The following GPC5 variants were observed in gnomAD, a reference collection of about 807,000 sequenced individuals.
GPC5 encodes the protein glypican-5.
A neutral mutation model predicts 53.9 loss-of-function variants in GPC5; 47 were observed. The ratio of observed to expected loss-of-function variants is 0.87; its 90% CI spans 0.69 to 1.11. The LOEUF (loss-of-function observed/expected upper bound fraction) is 1.11. GPC5 is among the 50% of genes most tolerant of loss of function. The probability of loss-of-function intolerance (pLI) is 0.00; values close to 1 mark genes in which losing one functional copy is unlikely to be tolerated. For missense variants in GPC5, 748 were observed against 713.1 expected (o/e 1.05, Z -0.56); for synonymous variants, 286 against 263.3 (o/e 1.09, Z -0.84).
intron 7 of GPC5, among the ~76,000 whole-genome samples, chr13:92,508,841 CA>C (rs1022726891): frequency 6.6e-6 from 1 of 152,074 alleles, no homozygotes; most frequent in Non-Finnish European, 1.5e-5. Context: ...TGTGCTAAAA[CA>C]GGAAAAGTAA....
chr13:92,710,168 T>G (rs2139267887), intron 7 of GPC5, among the ~76,000 whole-genome samples: 1 of 152,300 alleles, frequency 6.6e-6, no homozygotes, highest in Non-Finnish European at 1.5e-5. Flanking sequence ...CCTATCATAG[T>G]TATATAGGGC....
At chr13:91,764,701 C>A (rs969074082) in intron 5 of GPC5, among the ~76,000 whole-genome samples, 1 of 152,140 alleles carries the variant, frequency 6.6e-6, no homozygotes, top group Non-Finnish European at 1.5e-5. Context: ...TGTATGTGAA[C>A]CTTTTCAGGT....
intron 7 of GPC5, among the ~76,000 whole-genome samples, chr13:92,165,871 G>A (rs962545860): frequency 6.6e-6 from 1 of 151,942 alleles, no homozygotes; most frequent in Non-Finnish European, 1.5e-5. Flanking sequence ...GCCAATTTTT[G>A]GCACAGATGC....
At chr13:91,763,425 A>G (rs2037456674) in intron 5 of GPC5, among the ~76,000 whole-genome samples, 1 of 152,172 alleles carries the variant, frequency 6.6e-6, no homozygotes, top group African/African-American at 2.4e-5. Flanking sequence ...AAGATGAGGC[A>G]CTGGAATGAG....
rs74438534 is a variant in GPC5 at position 91,860,343 on chromosome 13, C to T, written c.1281-47594C>T. On this transcript the variant is annotated intron_variant, in intron 5 of 7. Coordinates refer to ENST00000377067, the MANE Select transcript of GPC5 (RefSeq NM_004466.6). ...AATGTTTAACTTTCTTTTCTTGGCTCATTTCGCTCACATAATATCCTCCAT... is the reference window on the plus strand; with the variant it reads ...AATGTTTAACTTTCTTTTCTTGGCTTATTTCGCTCACATAATATCCTCCAT... 6.1e-4 allele frequency among the ~76,000 whole-genome samples: 93 copies of T among 152,020 alleles called. No individual in the cohort carries two copies. The East Asian group carries it at 8.9e-3, about 15-fold the overall frequency.
chr13:91,466,377 G>C (rs960831619), intron 2 of GPC5, among the ~76,000 whole-genome samples: 1 of 152,142 alleles, frequency 6.6e-6, no homozygotes, highest in Non-Finnish European at 1.5e-5. Context: ...TCCTAGTTAG[G>C]GGGCAGGGGG....
intron 7 of GPC5, among the ~76,000 whole-genome samples, chr13:92,854,956 G>A (rs190752962): frequency 2.6e-5 from 4 of 151,618 alleles, no homozygotes; most frequent in Non-Finnish European, 2.9e-5. Context: ...TGAATTCTTC[G>A]CTGAGACCAA....
At chr13:92,264,029 A>C (rs1335146612) in intron 7 of GPC5, among the ~76,000 whole-genome samples, 1 of 152,176 alleles carries the variant, frequency 6.6e-6, no homozygotes, top group Non-Finnish European at 1.5e-5. Context: ...CACATTGTAA[A>C]CATACAGAAA....
intron 7 of GPC5, among the ~76,000 whole-genome samples, chr13:92,579,022 C>T (rs548108773): frequency 6.6e-6 from 1 of 152,248 alleles, no homozygotes; most frequent in African/African-American, 2.4e-5. Context: ...GCAATAGTAG[C>T]TTCACAGGAT....
chr13:92,628,285 T>A (rs973618030), intron 7 of GPC5, among the ~76,000 whole-genome samples: 1 of 127,832 alleles, frequency 7.8e-6, no homozygotes, highest in Non-Finnish European at 1.6e-5. Flanking sequence ...TTTTTTTTTT[T>A]TTTTTTTTGA....
At chr13:92,104,554 TGA>T (rs1439098383) in intron 6 of GPC5, among the ~76,000 whole-genome samples, 1 of 152,172 alleles carries the variant, frequency 6.6e-6, no homozygotes, top group Non-Finnish European at 1.5e-5. Flanking sequence ...AGGAGAATCC[TGA>T]GAGATCATAG....
At chr13:92,841,970 G>C (rs1878445176) in intron 7 of GPC5, among the ~76,000 whole-genome samples, 1 of 152,014 alleles carries the variant, frequency 6.6e-6, no homozygotes, top group African/African-American at 2.4e-5. Flanking sequence ...CAGGGTTTTT[G>C]TTTCTGATAG....
At chr13:92,301,642 T>A (rs2139198267) in intron 7 of GPC5, among the ~76,000 whole-genome samples, 1 of 152,174 alleles carries the variant, frequency 6.6e-6, no homozygotes, top group South Asian at 2.1e-4. Flanking sequence ...ATCCCAGCAC[T>A]TCGGGAGACC....
intron 6 of GPC5, among the ~76,000 whole-genome samples, chr13:91,920,886 C>T (rs898941160): frequency 5.7e-5 from 8 of 140,224 alleles, no homozygotes; most frequent in Non-Finnish European, 9.2e-5. Flanking sequence ...GCAACTTGTA[C>T]CACTTTATCC....
intron 6 of GPC5, among the ~76,000 whole-genome samples, chr13:91,915,757 A>G (rs1224703114): frequency 6.6e-6 from 1 of 152,188 alleles, no homozygotes; most frequent in Non-Finnish European, 1.5e-5. Context: ...CCAAATTACA[A>G]CCAGCTCCCA....
At chr13:92,354,233 T>G (rs1347907260) in intron 7 of GPC5, among the ~76,000 whole-genome samples, 1 of 152,226 alleles carries the variant, frequency 6.6e-6, no homozygotes, top group Non-Finnish European at 1.5e-5. Flanking sequence ...GATATACTTT[T>G]CCACAAAGAA....
At chr13:92,104,911 C>A (rs905777084) in intron 6 of GPC5, among the ~76,000 whole-genome samples, 3 of 152,042 alleles carry the variant, frequency 2.0e-5, no homozygotes, top group African/African-American at 7.2e-5. Context: ...TAGATGACAA[C>A]CCCATCATCT....
intron 7 of GPC5, among the ~76,000 whole-genome samples, chr13:92,452,953 G>T (rs1233451607): frequency 2.0e-5 from 3 of 152,146 alleles, no homozygotes; most frequent in Non-Finnish European, 2.9e-5. Flanking sequence ...GGACAGAAAG[G>T]GCTGGATTTT....
chr13:92,116,080 A>C (rs562727437), intron 6 of GPC5, among the ~76,000 whole-genome samples: 2 of 152,168 alleles, frequency 1.3e-5, no homozygotes, highest in South Asian at 4.1e-4. Context: ...GCAGGAAACT[A>C]TCTCTACAAA....
Sources: gnomAD v4.1 joint callset for allele counts (sites outside exome capture counted in the v4.1 genomes callset) on GRCh38, gnomAD v4.1.1 for gene constraint, MANE v1.5 for transcripts, NCBI Gene and HGNC (gene_info 2026-07-23, HGNC 2026-07-21) for gene names.